ANKS1B: variants seen among roughly 807,000 people sequenced by gnomAD.
ANKS1B encodes the protein ankyrin repeat and sterile alpha motif domain containing 1B, also known as ankyrin repeat and sterile alpha motif domain-containing protein 1B.
ANKS1B carries 36 observed loss-of-function variants against 148.3 expected under a neutral mutation model. That is an observed-to-expected ratio of 0.24 (90% CI 0.19 to 0.32). The LOEUF is 0.32. ANKS1B is among the 10% of genes least tolerant of loss of function. ANKS1B has a pLI of 1.00. For synonymous variants in ANKS1B, 542 were observed against 560.8 expected (o/e 0.97, Z 0.47); for missense variants, 1,157 against 1,542.6 (o/e 0.75, Z 4.19).
At chr12:98,825,273 C>A (rs558791727) in intron 19 of ANKS1B, among the ~76,000 whole-genome samples, 85 of 152,098 alleles carry the variant, frequency 5.6e-4, no homozygotes, top group Non-Finnish European at 1.1e-3. Flanking sequence ...AACAACAAAC[C>A]TTGGAAGAAC....
At chr12:99,353,921 C>T (rs536406154) in intron 12 of ANKS1B, among the ~76,000 whole-genome samples, 7 of 152,094 alleles carry the variant, frequency 4.6e-5, no homozygotes, top group East Asian at 1.9e-4. Context: ...CTAGTGAATA[C>T]TAAAGTAATT....
At chr12:99,318,459 G>T (rs549289809) in intron 12 of ANKS1B, among the ~76,000 whole-genome samples, 2 of 152,258 alleles carry the variant, frequency 1.3e-5, no homozygotes, top group Non-Finnish European at 2.9e-5. Context: ...GTGTAGAGGT[G>T]TTTATAGTGT....
intron 12 of ANKS1B, among the ~76,000 whole-genome samples, chr12:99,254,020 A>C (rs1004943750): frequency 5.9e-5 from 9 of 152,222 alleles, no homozygotes; most frequent in African/African-American, 2.2e-4. Flanking sequence ...AGGTCATGAA[A>C]GTCAAAGAAA....
chr12:99,885,312 T>TC (rs1362862010), intron 1 of ANKS1B, among the ~76,000 whole-genome samples: 1 of 144,448 alleles, frequency 6.9e-6, no homozygotes, highest in Non-Finnish European at 1.5e-5. Context: ...CTCATGTCCT[T>TC]TTTTTTTTTT....
At chr12:98,790,398 C>G (rs2098837894) in intron 22 of ANKS1B, among the ~76,000 whole-genome samples, 1 of 152,190 alleles carries the variant, frequency 6.6e-6, no homozygotes, top group South Asian at 2.1e-4. Flanking sequence ...AATATAGCAT[C>G]TACATTTTAG....
intron 13 of ANKS1B, 92 bp downstream of exon 13, chr12:99,246,183 T>G: frequency 1.0e-6 from 1 of 989,282 alleles, no homozygotes; most frequent in Non-Finnish European, 1.4e-6. Flanking sequence ...TTTTCTTGCT[T>G]TTGAAAGAGC....
intron 17 of ANKS1B, among the ~76,000 whole-genome samples, chr12:99,000,995 A>ATG (rs1373987375): frequency 6.6e-6 from 1 of 151,710 alleles, no homozygotes; most frequent in Non-Finnish European, 1.5e-5. Flanking sequence ...GCGCGCGTGC[A>ATG]TGTGTGTGTG....
intron 12 of ANKS1B, among the ~76,000 whole-genome samples, chr12:99,280,272 G>A (rs2153998892): frequency 6.6e-6 from 1 of 152,174 alleles, no homozygotes; most frequent in South Asian, 2.1e-4. Flanking sequence ...ATCGAGGAAT[G>A]CTAGTGAGTA....
intron 19 of ANKS1B, among the ~76,000 whole-genome samples, chr12:98,808,534 GAAGT>G (rs1266246141): frequency 1.3e-5 from 2 of 152,150 alleles, no homozygotes; most frequent in East Asian, 3.9e-4. Flanking sequence ...GGGAAGAACT[GAAGT>G]CAGGGAAATT....
At chr12:98,821,867 C>T (rs1334208423) in intron 19 of ANKS1B, among the ~76,000 whole-genome samples, 2 of 151,318 alleles carry the variant, frequency 1.3e-5, no homozygotes, top group East Asian at 3.9e-4. Flanking sequence ...CTCAGCCTCC[C>T]AAATTGCTGA....
At chr12:99,944,992 C>T (rs2095025324) in intron 1 of ANKS1B, among the ~76,000 whole-genome samples, 1 of 152,090 alleles carries the variant, frequency 6.6e-6, no homozygotes, top group African/African-American at 2.4e-5. Context: ...AACTTAGCAG[C>T]TAATTTTACT....
At chr12:99,170,239 C>T (rs920646887) in intron 14 of ANKS1B, among the ~76,000 whole-genome samples, 4 of 152,300 alleles carry the variant, frequency 2.6e-5, no homozygotes, top group South Asian at 4.1e-4. Flanking sequence ...TGCATGGATG[C>T]CTGTGCTATG....
At chr12:98,780,927 G>T (rs1282751716) in intron 24 of ANKS1B, among the ~76,000 whole-genome samples, 190 bp downstream of exon 24, 2 of 147,936 alleles carry the variant, frequency 1.4e-5, no homozygotes, top group African/African-American at 5.3e-5. Flanking sequence ...GTTCCTTTCT[G>T]TATGTATGAA....
chr12:99,154,886 C>T, intron 14 of ANKS1B: 1 of 1,535,042 alleles, frequency 6.5e-7, no homozygotes, highest in Non-Finnish European at 8.7e-7. Context: ...CTACACCTCG[C>T]ATTTTCAATA....
At chr12:98,941,899 C>G (rs562962778) in intron 17 of ANKS1B, among the ~76,000 whole-genome samples, 1 of 152,056 alleles carries the variant, frequency 6.6e-6, no homozygotes, top group Non-Finnish European at 1.5e-5. Flanking sequence ...ACGTAAACAG[C>G]CAAAACTGTC....
At chr12:99,380,882 A>G (rs1219756803) in intron 12 of ANKS1B, among the ~76,000 whole-genome samples, 2 of 152,088 alleles carry the variant, frequency 1.3e-5, no homozygotes, top group African/African-American at 4.8e-5. Context: ...ATTCCAGTAG[A>G]AATCATAATC....
At chr12:99,558,496 C>A (rs988358108) in intron 9 of ANKS1B, among the ~76,000 whole-genome samples, 3 of 152,036 alleles carry the variant, frequency 2.0e-5, no homozygotes, top group African/African-American at 7.2e-5. Flanking sequence ...TGAGTAAGTG[C>A]CAGCAAAGCA....
At chr12:99,341,973 T>C (rs1392013673) in intron 12 of ANKS1B, among the ~76,000 whole-genome samples, 1 of 152,108 alleles carries the variant, frequency 6.6e-6, no homozygotes, top group Non-Finnish European at 1.5e-5. Context: ...ATTCAGTAAG[T>C]ATTTTTCAGT....
chr12:99,845,767 G>A lies in ANKS1B; in HGVS notation c.135-20378C>T, dbSNP rs553325002. Among the ~76,000 whole-genome samples the A allele has an allele frequency of 8.6e-5, 13 of 151,958 alleles. No homozygotes were observed. The South Asian group carries it at 1.7e-3, about 19-fold the overall frequency. On this transcript the variant is annotated intron_variant, in intron 1 of 26. Coordinates refer to ENST00000683438, the MANE Select transcript of ANKS1B (RefSeq NM_001352186.2). Reference sequence around the variant, plus strand: ...AGGTAGGGAGGAGTACTTCCTTTTCGATTTTTTTGGAATAGTTTCAATAGG... The same window carrying A: ...AGGTAGGGAGGAGTACTTCCTTTTCAATTTTTTTGGAATAGTTTCAATAGG...
Sources: allele counts gnomAD v4.1 joint callset (sites outside exome capture counted in the v4.1 genomes callset), GRCh38; gene constraint gnomAD v4.1.1; transcripts MANE v1.5; gene names NCBI Gene and HGNC (gene_info 2026-07-23, HGNC 2026-07-21).